CEP41: variants seen among roughly 807,000 people sequenced by gnomAD.
The protein encoded by CEP41 is centrosomal protein 41.
A neutral mutation model predicts 44.3 loss-of-function variants in CEP41; 32 were observed. That is an observed-to-expected ratio of 0.72 (90% confidence interval 0.54 to 0.97). CEP41 has a LOEUF of 0.97. Among genes scored for constraint, CEP41 ranks in the 50% least tolerant of loss-of-function variants. CEP41 has a pLI of 0.00. For missense variants in CEP41, 432 were observed against 455.2 expected (o/e 0.95, Z 0.46); for synonymous variants, 151 against 168.5 (o/e 0.90, Z 0.80).
intron 1 of CEP41, among the ~76,000 whole-genome samples, chr7:130,437,753 C>CAAGA (rs1798010039): frequency 1.6e-5 from 1 of 61,178 alleles, no homozygotes; most frequent in Non-Finnish European, 2.9e-5. Flanking sequence ...GGTGACAAAG[C>CAAGA]AAGACTGTCT....
At chr7:130,410,753 C>T (rs1797157505) in intron 5 of CEP41, 2 of 323,186 alleles carry the variant, frequency 6.2e-6, no homozygotes, top group South Asian at 6.2e-5. Flanking sequence ...TACATGTGTG[C>T]ACATGCACAC....
chr7:130,430,640 G>GAAAC (rs1290198359), intron 1 of CEP41, among the ~76,000 whole-genome samples: 19 of 152,136 alleles, frequency 1.2e-4, no homozygotes, highest in South Asian at 4.1e-4. Flanking sequence ...ATGGCAAAAT[G>GAAAC]AAACAAACAA....
rs2287370 is a variant in CEP41 at position 130,421,737 on chromosome 7, G to T, written c.98-4771C>A. The T allele has an allele frequency of 5.8e-4, 697 of 1,194,404 alleles. 9 individuals are homozygous for T. In the East Asian group the frequency reaches 0.023, roughly 39 times the overall value. 74.0% of individuals were successfully genotyped at this position (1,194,404 alleles called of 1,614,324 possible). ...GAATTTCAGAAAGCTAAAGAAATTGGAAATTAGATTGAATATAGATAGAAA... is the reference window on the plus strand; with the variant it reads ...GAATTTCAGAAAGCTAAAGAAATTGTAAATTAGATTGAATATAGATAGAAA... On this transcript the variant is annotated intron_variant, in intron 2 of 10. Coordinates refer to ENST00000223208, the MANE Select transcript of CEP41 (RefSeq NM_018718.3).
intron 5 of CEP41, among the ~76,000 whole-genome samples, chr7:130,406,616 A>T (rs1554418270): frequency 6.6e-6 from 1 of 152,114 alleles, no homozygotes; most frequent in East Asian, 1.9e-4. Context: ...AAAAATAACA[A>T]GTCTAATTAT....
chr7:130,421,781 A>C (rs546661640), intron 2 of CEP41: 1 of 1,249,070 alleles, frequency 8.0e-7, no homozygotes, highest in Admixed American at 4.0e-5. Context: ...CAATGCAGCC[A>C]ATGAAAGACT....
intron 1 of CEP41, 107 bp from the exon 2 acceptor site, chr7:130,428,125 T>C: frequency 1.2e-6 from 1 of 806,066 alleles, no homozygotes. Flanking sequence ...CTAAAATTTC[T>C]TAGAAATTAA....
intron 2 of CEP41, chr7:130,421,411 G>T: frequency 1.0e-6 from 1 of 985,408 alleles, no homozygotes; most frequent in Non-Finnish European, 1.2e-6. Context: ...AGGCACAGTG[G>T]TCCTTTGTTA....
rs1554413597 is a variant in CEP41, at chr7:130,394,255, G to C, written c.*4636C>G. The C allele has an allele frequency of 4.4e-6, 2 of 453,882 alleles. No individual in the cohort carries two copies. 28.1% of individuals were successfully genotyped at this position (453,882 alleles called of 1,614,324 possible). ...TGGCTCCTGGCTTTTCAAACCCTTG[G>C]TCAGAGACTGAAGGCAAACCTGAGT... On this transcript the variant is annotated 3_prime_UTR_variant, in exon 11 of 11. Coordinates refer to ENST00000223208, the MANE Select transcript of CEP41 (RefSeq NM_018718.3).
At chr7:130,429,905 T>C (rs567289843) in intron 1 of CEP41, among the ~76,000 whole-genome samples, 10 of 152,346 alleles carry the variant, frequency 6.6e-5, no homozygotes, top group Middle Eastern at 3.4e-3. Context: ...AGTACACTTA[T>C]TGATATTCAG....
upstream of CEP41, chr7:130,441,157 C>G (rs782744854): frequency 1.4e-6 from 1 of 717,156 alleles, no homozygotes; most frequent in Non-Finnish European, 2.5e-6. Context: ...AGACGCCGCT[C>G]AATGGTTGCC....
chr7:130,434,153 C>A (rs1232719755), intron 1 of CEP41, among the ~76,000 whole-genome samples: 3 of 152,134 alleles, frequency 2.0e-5, no homozygotes, highest in African/African-American at 7.2e-5. Flanking sequence ...GTTCTATTTG[C>A]CGGAGATGAT....
At chr7:130,399,061 G>T in intron 10 of CEP41, 22 bp from the exon 11 acceptor site, 1 of 1,612,906 alleles carries the variant, frequency 6.2e-7, no homozygotes. Context: ...AAGAAAGAAG[G>T]AACAGAGCTG....
chr7:130,405,939 CAG>C (rs1554418130), intron 5 of CEP41, among the ~76,000 whole-genome samples: 1 of 152,084 alleles, frequency 6.6e-6, no homozygotes, highest in Non-Finnish European at 1.5e-5. Flanking sequence ...ACCGCAGAAG[CAG>C]AGAGGAAAAT....
At chr7:130,441,028 C>CCTTCGGGGTT, upstream of CEP41, 1 of 1,568,056 alleles carries the variant, frequency 6.4e-7, no homozygotes, top group East Asian at 2.2e-5. Context: ...ACCCTAGCTT[C>CCTTCGGGGTT]CTACCCCCAC....
chr7:130,411,330 G>A (rs1334180406), intron 4 of CEP41, 139 bp from the exon 5 acceptor site: 4 of 726,836 alleles, frequency 5.5e-6, no homozygotes, highest in Non-Finnish European at 9.8e-6. Flanking sequence ...TCAACTGAAC[G>A]CTGAATCTCA....
chr7:130,406,968 TA>T (rs1211691439), intron 5 of CEP41, among the ~76,000 whole-genome samples: 13 of 150,536 alleles, frequency 8.6e-5, no homozygotes, highest in South Asian at 6.3e-4. Flanking sequence ...TAAAGTATAA[TA>T]AAAAAAAGTA....
In CEP41 at chr7:130,439,641, C is replaced by T. The variant is rs115871773; in HGVS notation, c.33+1293G>A. Among the ~76,000 whole-genome samples the T allele has an allele frequency of 5.9e-3, 897 of 152,206 alleles. 6 individuals carry two copies. Among genetic ancestry groups the T allele is most frequent in the African/African-American group, 0.02 (838 of 41,518 alleles). On this transcript the variant is annotated intron_variant, in intron 1 of 10. Coordinates refer to ENST00000223208, the MANE Select transcript of CEP41 (RefSeq NM_018718.3). ...AGATCATGCAGCATTTAGACATTAC[C>T]AATTGACCATGGCTCTCTTGCAGGG...
chr7:130,421,691 A>C (rs546351189), intron 2 of CEP41: 2 of 1,135,858 alleles, frequency 1.8e-6, no homozygotes, highest in African/African-American at 1.6e-5. Flanking sequence ...GCTAGAAAAG[A>C]CTGAGTGGAG....
chr7:130,394,676 T>C lies in CEP41; in HGVS notation c.*4215A>G, dbSNP rs1796610327. On this transcript the variant is annotated 3_prime_UTR_variant, in exon 11 of 11. Coordinates refer to ENST00000223208, the MANE Select transcript of CEP41 (RefSeq NM_018718.3). ...GACAGAAGATAACGAGCTTTCTGGG[T>C]CTCCAGAATGACAGACTAGCACTGA... 1 of 453,866 alleles carries C rather than the reference T, an allele frequency of 2.2e-6. No homozygotes were observed. Among genetic ancestry groups the C allele is most frequent in the Non-Finnish European group, 4.4e-6 (1 of 226,766 alleles). The allele number at this position is 453,866 out of a possible 1,614,324, so 28.1% of individuals were successfully genotyped here.
Sources: gnomAD v4.1 joint callset for allele counts (sites outside exome capture counted in the v4.1 genomes callset) on GRCh38, gnomAD v4.1.1 for gene constraint, MANE v1.5 for transcripts, NCBI Gene and HGNC (gene_info 2026-07-23, HGNC 2026-07-21) for gene names.